The following VPS13A variants were observed in gnomAD, a reference collection of about 807,000 sequenced individuals.
The protein encoded by VPS13A is intermembrane lipid transfer protein VPS13A.
VPS13A carries 264 observed loss-of-function variants against 390.9 expected under a neutral mutation model. The observed-to-expected ratio is 0.68, with a 90% CI of 0.61 to 0.75. VPS13A has a LOEUF of 0.75. Ranked by LOEUF, VPS13A falls within the 30% of genes least tolerant of loss-of-function variation. The pLI, the probability that VPS13A is intolerant of heterozygous loss-of-function variation, is 0.00. For synonymous variants in VPS13A, 1,231 were observed against 1,227.1 expected (o/e 1.00, Z -0.07); for missense variants, 3,409 against 3,733.9 (o/e 0.91, Z 2.27).
At position 77,407,710 on chromosome 9, in the gene VPS13A, T is replaced by C. The variant is rs116293117; in HGVS notation, c.9474+103T>C. On this transcript the variant is annotated intron_variant, in intron 71 of 71. Coordinates refer to ENST00000360280, the MANE Select transcript of VPS13A (RefSeq NM_033305.3). ...ATAAGTTTTGTTTGGGGGTTTTTGT[T>C]TGTTTGTTTTGCTTTTGTGTTTTGG... 7.8e-4 allele frequency: 723 copies of C among 929,244 alleles called. 4 individuals are homozygous for C. The African/African-American group carries it at 9.2e-3, about 12-fold the overall frequency. The allele number at this position is 929,244 out of a possible 1,614,324, so 57.6% of individuals were successfully genotyped here. A position where few individuals can be genotyped will look rare whatever the true frequency, so the allele number is the denominator to read the frequency against.
At chr9:77,198,436 A>G (rs1825127199) in intron 1 of VPS13A, among the ~76,000 whole-genome samples, 1 of 152,188 alleles carries the variant, frequency 6.6e-6, no homozygotes, top group Non-Finnish European at 1.5e-5. Context: ...TGGTAACATC[A>G]TCATCTTTAT....
chr9:77,388,416 GGTTT>G (rs1563983522), intron 68 of VPS13A, among the ~76,000 whole-genome samples: 1 of 152,036 alleles, frequency 6.6e-6, no homozygotes, highest in Non-Finnish European at 1.5e-5. Context: ...TTTATTGTCC[GGTTT>G]GTTTTAACGT....
chr9:77,333,989 T>C (rs1830413583), intron 46 of VPS13A, among the ~76,000 whole-genome samples: 1 of 151,888 alleles, frequency 6.6e-6, no homozygotes, highest in South Asian at 2.1e-4. Context: ...TTATAGAGAG[T>C]TATAGAAAGT....
Position 77,227,457 on chromosome 9 carries a change from C to T in VPS13A, c.1424C>T (p.Thr475Ile). ...TATGAAGCAATTGGCTATAGTGAAA[C>T]AGCAGTTGATCCAACTTTACTAAAA... is the stretch of plus-strand genomic sequence containing the variant. Reference protein sequence around the residue: ...LLYEAIGYSETAVDPTLLKTF... With the variant: ...LLYEAIGYSEIAVDPTLLKTF... The change falls in exon 16 of 72, where the codon ACA (threonine) becomes ATA (isoleucine). Residue 475 changes from threonine (T) to isoleucine (I), a missense_variant. Around this residue, in one of 5 missense-constraint regions of VPS13A, gnomAD observed 2,717 missense variants for 2,917.4 expected, o/e 0.93. Coordinates refer to ENST00000360280, the MANE Select transcript of VPS13A (RefSeq NM_033305.3). 2 of 1,613,384 alleles carry T rather than the reference C, an allele frequency of 1.2e-6. No homozygotes were observed. Among genetic ancestry groups the T allele is most frequent in the Non-Finnish European group, 1.7e-6 (2 of 1,179,604 alleles).
At chr9:77,341,936 T>A (rs1029121723) in intron 50 of VPS13A, among the ~76,000 whole-genome samples, 1 of 152,034 alleles carries the variant, frequency 6.6e-6, no homozygotes, top group African/African-American at 2.4e-5. Flanking sequence ...AGGGGAAACA[T>A]TAATAATACC....
At chr9:77,389,524 T>C (rs1833822850) in intron 68 of VPS13A, among the ~76,000 whole-genome samples, 1 of 152,102 alleles carries the variant, frequency 6.6e-6, no homozygotes, top group South Asian at 2.1e-4. Flanking sequence ...CCCGGGCTGG[T>C]CTTGAACTGA....
Position 77,318,353 on chromosome 9 carries a change from C to A in VPS13A, c.5075C>A (p.Thr1692Lys). The A allele has an allele frequency of 6.2e-7, 1 of 1,613,560 alleles. No homozygotes were observed. Among genetic ancestry groups the A allele is most frequent in the Non-Finnish European group, 8.5e-7 (1 of 1,179,788 alleles). Reference sequence around the variant, plus strand: ...GCACATTTATGGGAAAAGAAGGATACAAAGACTTTAAAAATGTGGTTTCTT... The same window carrying A: ...GCACATTTATGGGAAAAGAAGGATAAAAAGACTTTAAAAATGTGGTTTCTT... ...STAHLWEKKD[T>K]KTLKMWFLEE... Residue 1692 changes from threonine to lysine, a missense_variant, in exon 41 of 72, where the codon ACA becomes AAA. Transcript: ENST00000360280.
intron 13 of VPS13A, among the ~76,000 whole-genome samples, chr9:77,224,182 A>G (rs1388893709): frequency 1.3e-5 from 2 of 152,172 alleles, no homozygotes; most frequent in East Asian, 3.8e-4. Context: ...CTAGTCACCA[A>G]AAGCTCTGAT....
intron 45 of VPS13A, 60 bp downstream of exon 45, chr9:77,323,287 T>TAAA: frequency 1.3e-6 from 2 of 1,559,078 alleles, no homozygotes; most frequent in African/African-American, 3.0e-5. Flanking sequence ...CTAATAAAAT[T>TAAA]AAAAACAACA....
chr9:77,275,942 C>T, intron 25 of VPS13A, 123 bp from the exon 26 acceptor site: 1 of 1,076,816 alleles, frequency 9.3e-7, no homozygotes. Context: ...TAAAATCTCT[C>T]CTAAATTTTA....
chr9:77,360,397 A>AT (rs1832076881), intron 58 of VPS13A, 139 bp from the exon 59 acceptor site: 6 of 638,578 alleles, frequency 9.4e-6, no homozygotes, highest in East Asian at 2.9e-5. Flanking sequence ...GTGTTCCATG[A>AT]TTTTTTAAAA....
Position 77,340,612 on chromosome 9 carries a change from A to G in VPS13A, c.7026+62A>G, listed in dbSNP as rs17424248. 141,188 of 1,585,932 alleles carry G rather than the reference A, an allele frequency of 0.089. 6,630 individuals are homozygous for G. The highest frequency in any genetic ancestry group is 0.14 in the East Asian group (6,016 of 44,512). On this transcript the variant is annotated intron_variant, in intron 50 of 71. Coordinates refer to ENST00000360280, the MANE Select transcript of VPS13A (RefSeq NM_033305.3). ...TTCTATTTTCTCCTTGAAGTTAGATACCTAAAGTCACCATGTAATGTTTTA... is the reference window on the plus strand; with the variant it reads ...TTCTATTTTCTCCTTGAAGTTAGATGCCTAAAGTCACCATGTAATGTTTTA...
intron 1 of VPS13A, among the ~76,000 whole-genome samples, chr9:77,199,313 G>T (rs1202037060): frequency 6.6e-6 from 1 of 152,114 alleles, no homozygotes; most frequent in East Asian, 1.9e-4. Context: ...GACTACGGGT[G>T]CCTGCCACCA....
rs1825619762 is a variant in VPS13A, at chr9:77,206,015, C to G, written c.321C>G (p.Leu107=). 6.3e-7 allele frequency: 1 copy of G among 1,582,910 alleles called. No individual in the cohort carries two copies. Among genetic ancestry groups the G allele is most frequent in the Non-Finnish European group, 8.6e-7 (1 of 1,162,786 alleles). ...ATCCTTTAAAAGAAGAGAAACAACT[C>G]ATGGAAGCAAAGCAACAGGAACTGA... ...KYDPLKEEKQ[L]MEAKQQELKR... is the part of the protein sequence containing the mutation. Residue 107 remains leucine, a synonymous_variant, in exon 5 of 72, where the codon CTC becomes CTG. Coordinates refer to ENST00000360280, the MANE Select transcript of VPS13A (RefSeq NM_033305.3).
intron 3 of VPS13A, among the ~76,000 whole-genome samples, chr9:77,203,848 A>G (rs1217577231): frequency 1.5e-4 from 23 of 152,108 alleles, no homozygotes; most frequent in Admixed American, 1.5e-3. Flanking sequence ...AATGATCCCC[A>G]TGTTCTCTGG....
chr9:77,229,048 C>T (rs2131203535), intron 17 of VPS13A, among the ~76,000 whole-genome samples: 1 of 152,188 alleles, frequency 6.6e-6, no homozygotes, highest in East Asian at 1.9e-4. Flanking sequence ...CAAACCTTAT[C>T]AACTACTATC....
At chr9:77,372,441 A>T (rs893936133) in intron 67 of VPS13A, among the ~76,000 whole-genome samples, 2 of 152,120 alleles carry the variant, frequency 1.3e-5, no homozygotes, top group Non-Finnish European at 2.9e-5. Context: ...ACAACCCTTC[A>T]TGCTAAAAAC....
chr9:77,318,676 A>G (rs1223505356), intron 41 of VPS13A, 85 bp downstream of exon 41: 5 of 1,243,066 alleles, frequency 4.0e-6, no homozygotes, highest in Non-Finnish European at 5.9e-6. Flanking sequence ...AATATTATGG[A>G]ATCTTGTGTA....
rs147105811 is a variant in VPS13A, at chr9:77,239,400, T to TAA, written c.1900+1023_1900+1024dup. 1.7e-3 allele frequency among the ~76,000 whole-genome samples: 260 copies of TAA among 149,380 alleles called. 2 individuals carry two copies. Among genetic ancestry groups the TAA allele is most frequent in the Middle Eastern group, 0.01 (3 of 292 alleles). ...CACCAAAAGTAATAATAATAAAAAT[T>TAA]AAAAAAAAAATAAATTTTAAGACTG... On this transcript the variant is annotated intron_variant, in intron 19 of 71. Transcript: ENST00000360280.
Sources: gnomAD v4.1 joint callset for allele counts (sites outside exome capture counted in the v4.1 genomes callset) on GRCh38, gnomAD v4.1.1 for gene constraint, gnomAD v4.1.1 regional missense constraint, MANE v1.5 for transcripts, NCBI Gene and HGNC (gene_info 2026-07-23, HGNC 2026-07-21) for gene names.